The following RBMS3 variants were observed in gnomAD, a reference collection of about 807,000 sequenced individuals.
RBMS3 encodes RNA binding motif single stranded interacting protein 3.
A neutral mutation model predicts 66.8 loss-of-function variants in RBMS3; 27 were observed. The ratio of observed to expected loss-of-function variants is 0.40; its 90% CI spans 0.30 to 0.56. RBMS3 has a LOEUF of 0.56. RBMS3 is among the 20% of genes least tolerant of loss of function. The probability of loss-of-function intolerance (pLI) is 0.40; values close to 1 mark genes in which losing one functional copy is unlikely to be tolerated. For missense variants in RBMS3, 513 were observed against 549.5 expected (o/e 0.93, Z 0.66); for synonymous variants, 188 against 183.0 (o/e 1.03, Z -0.22).
At chr3:29,533,857 C>T (rs1211702051) in intron 3 of RBMS3, among the ~76,000 whole-genome samples, 7 of 152,200 alleles carry the variant, frequency 4.6e-5, no homozygotes, top group Admixed American at 4.6e-4. Flanking sequence ...AAATCTATTT[C>T]TAACCTATTT....
At position 29,520,723 on chromosome 3, in the gene RBMS3, G is replaced by A. The variant is rs546116265; in HGVS notation, c.307+32224G>A. On this transcript the variant is annotated intron_variant, in intron 3 of 14. Coordinates refer to ENST00000383767, the MANE Select transcript of RBMS3 (RefSeq NM_001003793.3). Reference sequence around the variant, plus strand: ...TTATGCTTTATTCCTGTGTCTCAGCGAAACATTGAAAGTGCTGATTTCTTT... The same window carrying A: ...TTATGCTTTATTCCTGTGTCTCAGCAAAACATTGAAAGTGCTGATTTCTTT... Among the ~76,000 whole-genome samples the A allele has an allele frequency of 7.2e-5, 11 of 152,146 alleles. No homozygotes were observed. The South Asian group carries it at 8.3e-4, about 12-fold the overall frequency.
At chr3:29,622,747 A>G (rs2048910640) in intron 4 of RBMS3, among the ~76,000 whole-genome samples, 1 of 152,192 alleles carries the variant, frequency 6.6e-6, no homozygotes, top group Non-Finnish European at 1.5e-5. Flanking sequence ...TTCACATTCC[A>G]ACTCTGCCAC....
intron 1 of RBMS3, among the ~76,000 whole-genome samples, chr3:29,402,012 C>T (rs71319087): frequency 0.17 from 26,176 of 151,986 alleles, 2,766 homozygotes; most frequent in Non-Finnish European, 0.24. Flanking sequence ...ATTTAGATAA[C>T]AGCAAAGATA....
At chr3:29,951,879 G>C in intron 12 of RBMS3, among the ~76,000 whole-genome samples, 1 of 151,538 alleles carries the variant, frequency 6.6e-6, no homozygotes, top group South Asian at 2.1e-4. Context: ...TGACAAAAGT[G>C]AACAATCATT....
intron 1 of RBMS3, among the ~76,000 whole-genome samples, chr3:29,327,668 G>T (rs2035418589): frequency 6.6e-6 from 1 of 152,172 alleles, no homozygotes; most frequent in Non-Finnish European, 1.5e-5. Context: ...ATGATTTGAT[G>T]GTGTGTGTTC....
rs140717694 is a variant in RBMS3, at chr3:29,312,487, C to T, written c.75+30731C>T. 1.1e-3 allele frequency among the ~76,000 whole-genome samples: 160 copies of T among 151,826 alleles called. 1 individual carries two copies. The highest frequency in any genetic ancestry group is 3.7e-3 in the African/African-American group (154 of 41,488). On this transcript the variant is annotated intron_variant, in intron 1 of 14. Coordinates refer to ENST00000383767, the MANE Select transcript of RBMS3 (RefSeq NM_001003793.3). ...GTTTACTGTCTTTTATAAATTTATTCATGAAATAGTGGTAGAATTAGTAAG... is the reference window on the plus strand; with the variant it reads ...GTTTACTGTCTTTTATAAATTTATTTATGAAATAGTGGTAGAATTAGTAAG...
At chr3:29,753,379 G>A (rs1410161635) in intron 5 of RBMS3, among the ~76,000 whole-genome samples, 1 of 152,180 alleles carries the variant, frequency 6.6e-6, no homozygotes, top group East Asian at 1.9e-4. Flanking sequence ...AGACTGGTAG[G>A]TGAGCAATGC....
At chr3:29,336,357 T>C (rs1371730337) in intron 1 of RBMS3, among the ~76,000 whole-genome samples, 1 of 152,084 alleles carries the variant, frequency 6.6e-6, no homozygotes, top group Non-Finnish European at 1.5e-5. Flanking sequence ...TTAACATGAG[T>C]CAGCTTTTCC....
chr3:29,602,871 C>T (rs948463764), intron 4 of RBMS3, among the ~76,000 whole-genome samples: 1 of 151,978 alleles, frequency 6.6e-6, no homozygotes. Flanking sequence ...TCAGGACAGC[C>T]TTGTGCTTTC....
At chr3:29,489,841 G>C (rs970946768) in intron 3 of RBMS3, among the ~76,000 whole-genome samples, 1 of 151,130 alleles carries the variant, frequency 6.6e-6, no homozygotes, top group Non-Finnish European at 1.5e-5. Flanking sequence ...TCAGGACTTT[G>C]AGACCAGCCT....
intron 4 of RBMS3, among the ~76,000 whole-genome samples, chr3:29,633,159 T>A (rs1014456823): frequency 1.3e-5 from 2 of 151,766 alleles, no homozygotes; most frequent in African/African-American, 4.8e-5. Flanking sequence ...GCAGAAACAA[T>A]AGAATGCTTG....
intron 1 of RBMS3, among the ~76,000 whole-genome samples, chr3:29,356,677 C>T (rs995957642): frequency 2.6e-5 from 4 of 152,164 alleles, no homozygotes; most frequent in East Asian, 1.9e-4. Context: ...AGTGTTTACA[C>T]ATTCATGTGA....
chr3:29,950,442 G>T (rs1481047978), intron 12 of RBMS3, among the ~76,000 whole-genome samples: 1 of 151,826 alleles, frequency 6.6e-6, no homozygotes, highest in Admixed American at 6.6e-5. Context: ...GCGTGTGCAG[G>T]AATCAGCACA....
At chr3:29,380,863 A>G (rs1375496664) in intron 1 of RBMS3, among the ~76,000 whole-genome samples, 1 of 152,214 alleles carries the variant, frequency 6.6e-6, no homozygotes, top group Non-Finnish European at 1.5e-5. Flanking sequence ...TGCATGGGAC[A>G]TGAACTACAT....
rs145941391 is a variant in RBMS3, at chr3:29,496,628, C to A, written c.307+8129C>A. Reference sequence around the variant, plus strand: ...ATTTGTTGTCTACAACCCAACCAGACAACTACAACTAAAGGCAATACTTCT... The same window carrying A: ...ATTTGTTGTCTACAACCCAACCAGAAAACTACAACTAAAGGCAATACTTCT... On this transcript the variant is annotated intron_variant, in intron 3 of 14. Coordinates refer to ENST00000383767, the MANE Select transcript of RBMS3 (RefSeq NM_001003793.3). Among the ~76,000 whole-genome samples the A allele has an allele frequency of 2.8e-3, 424 of 152,298 alleles. 5 individuals are homozygous for A. Among genetic ancestry groups the A allele is most frequent in the African/African-American group, 9.5e-3 (396 of 41,560 alleles).
chr3:29,383,873 T>C (rs1275542634), intron 1 of RBMS3, among the ~76,000 whole-genome samples: 1 of 152,208 alleles, frequency 6.6e-6, no homozygotes, highest in African/African-American at 2.4e-5. Context: ...ATTTAACTCA[T>C]AGAATTATTA....
intron 4 of RBMS3, among the ~76,000 whole-genome samples, chr3:29,705,177 T>C (rs2052824522): frequency 6.6e-6 from 1 of 152,200 alleles, no homozygotes; most frequent in Non-Finnish European, 1.5e-5. Flanking sequence ...CATTGCAGGG[T>C]AAGGAGTTGA....
intron 4 of RBMS3, among the ~76,000 whole-genome samples, chr3:29,663,621 G>C: frequency 6.6e-6 from 1 of 152,154 alleles, no homozygotes; most frequent in East Asian, 1.9e-4. Flanking sequence ...AATTTGGGGA[G>C]CTATAATTAT....
At chr3:29,591,490 T>C (rs938754256) in intron 4 of RBMS3, among the ~76,000 whole-genome samples, 2 of 152,156 alleles carry the variant, frequency 1.3e-5, no homozygotes, top group Admixed American at 6.5e-5. Flanking sequence ...TAGGTGGAAA[T>C]AGAATTCTTG....
Sources: gnomAD v4.1 joint callset for allele counts (sites outside exome capture counted in the v4.1 genomes callset) on GRCh38, gnomAD v4.1.1 for gene constraint, MANE v1.5 for transcripts, NCBI Gene and HGNC (gene_info 2026-07-23, HGNC 2026-07-21) for gene names.